Variants in CAST observed in about 807,000 individuals in gnomAD.
CAST encodes calpastatin, also known as MIR583 host.
Under a neutral mutation model 119.6 loss-of-function variants are expected in CAST, and 76 were observed. The observed-to-expected ratio is 0.64, with a 90% CI of 0.53 to 0.77. The LOEUF (loss-of-function observed/expected upper bound fraction) is 0.77, where lower values mean the gene tolerates loss of function less well. Among genes scored for constraint, CAST ranks in the 30% least tolerant of loss-of-function variants. The pLI, the probability that CAST is intolerant of heterozygous loss-of-function variation, is 0.00. For missense variants in CAST, 953 were observed against 946.5 expected (o/e 1.01, Z -0.09); for synonymous variants, 319 against 331.6 (o/e 0.96, Z 0.41).
In CAST at chr5:96,741,720, T is replaced by C. The variant is rs146664652; in HGVS notation, c.1098+140T>C. 4 of 620,386 alleles carry C rather than the reference T, an allele frequency of 6.4e-6. No homozygotes were observed. In the East Asian group the frequency reaches 1.1e-4, roughly 17 times the overall value. 38.4% of individuals were successfully genotyped at this position (620,386 alleles called of 1,614,324 possible). A position where few individuals can be genotyped will look rare whatever the true frequency, so the allele number is the denominator to read the frequency against. On this transcript the variant is annotated intron_variant, in intron 15 of 31. Transcript: ENST00000675179. ...GGTCTATGTGGAATAGTGAAGCCAATGAGGGTTATGTTGATCATCTCCAGG... is the reference window on the plus strand; with the variant it reads ...GGTCTATGTGGAATAGTGAAGCCAACGAGGGTTATGTTGATCATCTCCAGG...
the CAST span, among the ~76,000 whole-genome samples, chr5:96,444,862 C>T: frequency 6.6e-6 from 1 of 152,024 alleles, no homozygotes; most frequent in Non-Finnish European, 1.5e-5. Flanking sequence ...CTCCAATTTC[C>T]AGTTATCCAT....
At chr5:96,663,557 C>G (rs1748891584) in intron 1 of CAST, among the ~76,000 whole-genome samples, 1 of 152,166 alleles carries the variant, frequency 6.6e-6, no homozygotes, top group Non-Finnish European at 1.5e-5. Flanking sequence ...TTTTTAACCC[C>G]TAAGTAAAGT....
At chr5:96,453,186 A>T in the CAST span, among the ~76,000 whole-genome samples, 1 of 152,208 alleles carries the variant, frequency 6.6e-6, no homozygotes, top group Non-Finnish European at 1.5e-5. Flanking sequence ...AAAACACAGC[A>T]GAAACAGCTA....
At chr5:96,364,293 C>CT in the CAST span, among the ~76,000 whole-genome samples, 36 of 152,096 alleles carry the variant, frequency 2.4e-4, no homozygotes, top group Non-Finnish European at 5.0e-4. Context: ...TCTAAAATCT[C>CT]TTTTTTTGTT....
At chr5:96,476,193 A>G in the CAST span, among the ~76,000 whole-genome samples, 1 of 152,244 alleles carries the variant, frequency 6.6e-6, no homozygotes, top group Non-Finnish European at 1.5e-5. Context: ...CATCGAAAAT[A>G]AAGAAGCTGT....
At chr5:96,565,744 A>G (rs1490587250) in intron 1 of CAST, among the ~76,000 whole-genome samples, 1 of 152,152 alleles carries the variant, frequency 6.6e-6, no homozygotes, top group African/African-American at 2.4e-5. Context: ...GAAGACCGTG[A>G]GGGGAACAGC....
chr5:96,639,400 G>T (rs1226294097), intron 1 of CAST, among the ~76,000 whole-genome samples: 2 of 152,234 alleles, frequency 1.3e-5, no homozygotes, highest in Non-Finnish European at 2.9e-5. Context: ...TGTTTGGCCT[G>T]AGTGAGCTGA....
chr5:96,385,790 T>G, the CAST span, among the ~76,000 whole-genome samples: 1 of 152,238 alleles, frequency 6.6e-6, no homozygotes, highest in Admixed American at 6.5e-5. Flanking sequence ...ACAAGGCAGT[T>G]AGGAAAACAT....
At chr5:96,732,584 T>C (rs1226418692) in intron 9 of CAST, among the ~76,000 whole-genome samples, 2 of 151,426 alleles carry the variant, frequency 1.3e-5, no homozygotes, top group African/African-American at 2.4e-5. Context: ...TGCCCATGCC[T>C]ATGTCCTGAA....
chr5:96,325,195 G>A, the CAST span, among the ~76,000 whole-genome samples: 7,692 of 151,972 alleles, frequency 0.051, 562 homozygotes, highest in African/African-American at 0.16. Context: ...CAGAGTGAGA[G>A]CCTGTCTCAA....
the CAST span, among the ~76,000 whole-genome samples, chr5:96,046,803 G>C: frequency 6.6e-6 from 1 of 152,184 alleles, no homozygotes. Flanking sequence ...AATCATGGTG[G>C]GAGGTGAAAG....
the CAST span, among the ~76,000 whole-genome samples, chr5:96,041,617 G>C: frequency 1.4e-4 from 21 of 152,160 alleles, no homozygotes; most frequent in Non-Finnish European, 2.4e-4. Flanking sequence ...GTACCACACA[G>C]TTGTAAGATG....
At chr5:96,064,522 G>T in the CAST span, among the ~76,000 whole-genome samples, 2 of 152,002 alleles carry the variant, frequency 1.3e-5, no homozygotes, top group Non-Finnish European at 2.9e-5. Context: ...CATTTAAATT[G>T]ATAATTAAAT....
chr5:96,114,128 T>G, the CAST span, among the ~76,000 whole-genome samples: 62 of 152,254 alleles, frequency 4.1e-4, no homozygotes, highest in African/African-American at 1.4e-3. Context: ...TTTTAGGCAG[T>G]AAGTAAATAG....
the CAST span, among the ~76,000 whole-genome samples, chr5:96,430,427 C>G: frequency 9.2e-5 from 14 of 152,172 alleles, no homozygotes; most frequent in Non-Finnish European, 1.5e-4. Context: ...AGGCCCTGCT[C>G]CAAGCCTGAA....
chr5:96,662,136 A>G (rs1484155844), upstream of CAST: 3 of 361,140 alleles, frequency 8.3e-6, no homozygotes, highest in Middle Eastern at 7.5e-4. Context: ...CCGGGACCAG[A>G]GCAGTGCTGG....
the CAST span, among the ~76,000 whole-genome samples, chr5:96,073,882 A>G: frequency 6.6e-6 from 1 of 152,120 alleles, no homozygotes; most frequent in African/African-American, 2.4e-5. Context: ...AACACTGGGT[A>G]TTTATTGATT....
the CAST span, among the ~76,000 whole-genome samples, chr5:96,180,675 G>A: frequency 6.6e-6 from 1 of 152,080 alleles, no homozygotes; most frequent in Admixed American, 6.5e-5. Context: ...AAATTAGGGT[G>A]GTAAATACTT....
chr5:96,488,309 A>G, the CAST span, among the ~76,000 whole-genome samples: 1 of 152,160 alleles, frequency 6.6e-6, no homozygotes, highest in East Asian at 1.9e-4. Context: ...TTCTTCCTGC[A>G]TGATAAAAAG....
Sources: gnomAD v4.1 joint callset for allele counts (sites outside exome capture counted in the v4.1 genomes callset) on GRCh38, gnomAD v4.1.1 for gene constraint, MANE v1.5 for transcripts, NCBI Gene and HGNC (gene_info 2026-07-23, HGNC 2026-07-21) for gene names.